The following ZBTB17 variants were observed in gnomAD, a reference collection of about 807,000 sequenced individuals.
The protein encoded by ZBTB17 is zinc finger and BTB domain-containing protein 17.
In ZBTB17, 24 loss-of-function variants were observed where a neutral mutation model predicts 85.1. The ratio of observed to expected loss-of-function variants is 0.28; its 90% CI spans 0.20 to 0.40. ZBTB17 has a LOEUF of 0.40. Among genes scored for constraint, ZBTB17 ranks in the 10% least tolerant of loss-of-function variants. The probability of loss-of-function intolerance (pLI) is 1.00; values close to 1 mark genes in which losing one functional copy is unlikely to be tolerated. For missense variants in ZBTB17, 743 were observed against 1,105.1 expected (o/e 0.67, Z 4.65); for synonymous variants, 464 against 460.2 (o/e 1.01, Z -0.11).
At chr1:15,957,386 TG>T (rs2072087122) in intron 2 of ZBTB17, among the ~76,000 whole-genome samples, 5 of 126,574 alleles carry the variant, frequency 4.0e-5, no homozygotes, top group Non-Finnish European at 6.7e-5. Context: ...GGAGGAGGTG[TG>T]TGGCACAGGG....
At position 15,946,234 on chromosome 1, in the gene ZBTB17, T is replaced by C; in HGVS notation, c.455A>G (p.Gln152Arg). Residue 152 changes from glutamine to arginine, a missense_variant, in exon 5 of 16, where the codon CAG becomes CGG. Physicochemically the swap from Gln to Arg is conservative, Grantham distance 43 (BLOSUM62 1). This residue lies in a region of ZBTB17 where 279 missense variants were observed against 269.9 expected (regional missense o/e 1.03). Coordinates refer to ENST00000375743, the MANE Select transcript of ZBTB17 (RefSeq NM_003443.3). ...VATSTLSRLE[Q>R]AGRSTPIGPS... Reference sequence around the variant, plus strand: ...GCCTATGGGTGTGCTGCGTCCTGCCTGCTCCAGCCTGCTCAGCGTGCTGGT... The same window carrying C: ...GCCTATGGGTGTGCTGCGTCCTGCCCGCTCCAGCCTGCTCAGCGTGCTGGT... 1 of 1,613,772 alleles carries C rather than the reference T, an allele frequency of 6.2e-7. No homozygotes were observed. The highest frequency in any genetic ancestry group is 8.5e-7 in the Non-Finnish European group (1 of 1,180,004).
At chr1:15,975,270 A>AT (rs1449514325) in intron 1 of ZBTB17, among the ~76,000 whole-genome samples, 1 of 152,190 alleles carries the variant, frequency 6.6e-6, no homozygotes, top group African/African-American at 2.4e-5. Flanking sequence ...TAGGAGGCTG[A>AT]TTTTATTATC....
At chr1:15,945,604 C>T (rs1437380426) in intron 6 of ZBTB17, 111 bp downstream of exon 6, 1 of 1,480,412 alleles carries the variant, frequency 6.8e-7, no homozygotes, top group Non-Finnish European at 9.1e-7. Flanking sequence ...CATGGTGACT[C>T]CAGGTGGGAC....
intron 2 of ZBTB17, among the ~76,000 whole-genome samples, chr1:15,954,780 G>A (rs939095206): frequency 1.3e-5 from 2 of 152,180 alleles, no homozygotes; most frequent in African/African-American, 4.8e-5. Context: ...AAGCCAGGAG[G>A]TCGAGGCTGC....
At chr1:15,946,420 TG>T in intron 4 of ZBTB17, 126 bp from the exon 5 acceptor site, 1 of 1,428,886 alleles carries the variant, frequency 7.0e-7, no homozygotes, top group Non-Finnish European at 9.4e-7. Context: ...AGTGGTTTGC[TG>T]ATTTGTTCAT....
intron 2 of ZBTB17, among the ~76,000 whole-genome samples, chr1:15,961,227 T>C (rs542485325): frequency 1.3e-5 from 2 of 152,366 alleles, no homozygotes; most frequent in East Asian, 3.9e-4. Context: ...AAATGAGGCA[T>C]TTACCTAGCA....
intron 2 of ZBTB17, among the ~76,000 whole-genome samples, chr1:15,972,767 C>G (rs1295314430): frequency 6.6e-6 from 1 of 152,152 alleles, no homozygotes; most frequent in African/African-American, 2.4e-5. Flanking sequence ...TGTTAAGGAG[C>G]AAGGAATAAA....
At chr1:15,948,024 A>C (rs1392729094) in intron 3 of ZBTB17, 2 of 532,046 alleles carry the variant, frequency 3.8e-6, no homozygotes, top group Non-Finnish European at 6.8e-6. Flanking sequence ...GCCCCTCCCA[A>C]TGAGGCCTTT....
intron 13 of ZBTB17, 126 bp from the exon 14 acceptor site, chr1:15,942,864 C>A: frequency 7.4e-7 from 1 of 1,355,980 alleles, no homozygotes; most frequent in Non-Finnish European, 1.0e-6. Flanking sequence ...GGGGTGGCTG[C>A]ACGGGTGCCT....
rs1254197679 is a variant in ZBTB17, at chr1:15,944,163, G to C, written c.1371+137C>G. The C allele has an allele frequency of 2.3e-6, 3 of 1,312,056 alleles. No individual in the cohort carries two copies. The Admixed American group carries it at 5.9e-5, about 26-fold the overall frequency. The allele number at this position is 1,312,056 out of a possible 1,614,324, so 81.3% of individuals were successfully genotyped here. On this transcript the variant is annotated intron_variant, in intron 9 of 15. Coordinates refer to ENST00000375743, the MANE Select transcript of ZBTB17 (RefSeq NM_003443.3). ...CCCCCGCGGAAGTGGCTCTCGCTGC[G>C]CCTGTTTCCTGGGTGAACAAGCTGA...
intron 2 of ZBTB17, among the ~76,000 whole-genome samples, chr1:15,950,142 C>T (rs993372127): frequency 2.0e-5 from 3 of 152,202 alleles, no homozygotes; most frequent in South Asian, 2.1e-4. Context: ...CAGCTGGCCC[C>T]GCACCAAGTG....
At position 15,942,020 on chromosome 1, in the gene ZBTB17, T is replaced by C. The variant is rs956721905; in HGVS notation, c.2361A>G (p.Ala787=). ...RPRDGAEGQP[A]LAETSPTAPE... ...GAGCTGTAGGGGAGGTCTCTGCCAG[T>C]GCGGGCTGGCCCTCAGCCCCGTCGC... The change falls in exon 16 of 16, where the codon GCA becomes GCG. Residue 787 remains alanine, a synonymous_variant. Coordinates refer to ENST00000375743, the MANE Select transcript of ZBTB17 (RefSeq NM_003443.3). 23 of 1,607,954 alleles carry C rather than the reference T, an allele frequency of 1.4e-5. No homozygotes were observed. Among genetic ancestry groups the C allele is most frequent in the African/African-American group, 2.7e-5 (2 of 74,928 alleles).
chr1:15,943,488 A>G lies in ZBTB17; in HGVS notation c.1608T>C (p.Gly536=). ...GGGAGCTGGCCTGGGTGAAGGCCTT[A>G]CCGCACATCACACACTGGCATGGCT... ...GEKPCQCVMC[G]KAFTQASSLI... is the part of the protein sequence containing the mutation. The change falls in exon 12 of 16, where the codon GGT becomes GGC. Residue 536 remains glycine, a synonymous_variant. Coordinates refer to ENST00000375743, the MANE Select transcript of ZBTB17 (RefSeq NM_003443.3). 6.2e-7 allele frequency: 1 copy of G among 1,610,478 alleles called. No homozygotes were observed. The highest frequency in any genetic ancestry group is 8.5e-7 in the Non-Finnish European group (1 of 1,177,754).
Position 15,951,238 on chromosome 1 carries a change from G to C in ZBTB17, c.-2-2741C>G, listed in dbSNP as rs2071824119. ...CGCACCAAAAGGGAAGAAAACAGGAGAAATGATAAGAAGGGGGGAGGAAGA... is the reference window on the plus strand; with the variant it reads ...CGCACCAAAAGGGAAGAAAACAGGACAAATGATAAGAAGGGGGGAGGAAGA... On this transcript the variant is annotated intron_variant, in intron 2 of 15. Transcript: ENST00000375743. This position sits in a 1 kb window ranked among gnomAD's most constrained non-coding sequence, Gnocchi z 4.1. Among the ~76,000 whole-genome samples the C allele has an allele frequency of 6.7e-6, 1 of 150,076 alleles. No homozygotes were observed.
intron 2 of ZBTB17, among the ~76,000 whole-genome samples, chr1:15,965,290 T>C (rs937450698): frequency 1.3e-5 from 2 of 151,460 alleles, no homozygotes; most frequent in African/African-American, 2.4e-5. Context: ...AACCACCCAA[T>C]AGAAAAATGA....
rs746081749 is a variant in ZBTB17 at position 15,942,525 on chromosome 1, G to C, written c.2038+4C>G. On this transcript the variant is annotated splice_donor_region_variant and intron_variant, in intron 14 of 15. Transcript: ENST00000375743. ...GACTTCCCTCTGCTGCCCACAGCCC[G>C]CACCTGTGAGCTGAGTGACGGCTGT... The C allele has an allele frequency of 2.5e-6, 4 of 1,610,296 alleles. No homozygotes were observed. In the South Asian group the frequency reaches 4.4e-5, roughly 18 times the overall value.
chr1:15,948,173 C>T lies in ZBTB17; in HGVS notation c.205+118G>A, dbSNP rs577301564. On this transcript the variant is annotated intron_variant, in intron 3 of 15. Coordinates refer to ENST00000375743, the MANE Select transcript of ZBTB17 (RefSeq NM_003443.3). The stretch of plus-strand genomic sequence containing the variant: ...AATTGCTCATGGCCTGAAGCCTGTG[C>T]GGGAGGCCTGTTGCATCCCACAGCC... 52 of 1,193,720 alleles carry T rather than the reference C, an allele frequency of 4.4e-5. No individual in the cohort carries two copies. The East Asian group carries it at 8.7e-4, about 20-fold the overall frequency. The allele number at this position is 1,193,720 out of a possible 1,614,324, so 73.9% of individuals were successfully genotyped here. A position where few individuals can be genotyped will look rare whatever the true frequency, so the allele number is the denominator to read the frequency against.
At chr1:15,971,590 C>A (rs1294083142) in intron 2 of ZBTB17, among the ~76,000 whole-genome samples, 1 of 142,786 alleles carries the variant, frequency 7.0e-6, no homozygotes. Context: ...TACACACACA[C>A]TATATATATA....
At position 15,944,984 on chromosome 1, in the gene ZBTB17, C is replaced by T; in HGVS notation, c.880G>A (p.Asp294Asn). ...CCGTAGGCCTTGGACTCCGTGCGGT[C>T]GCCGTAGGTGCCTGAGCGCAGGCCC... ...ARGLRSGTYGDRTESKAYGSV... is the reference protein window; with the variant it reads ...ARGLRSGTYGNRTESKAYGSV... The change falls in exon 7 of 16, where the codon GAC becomes AAC. Residue 294 changes from aspartate (D) to asparagine (N), a missense_variant. By Grantham distance (23) the Asp-to-Asn change is conservative. Transcript: ENST00000375743. 6.3e-7 allele frequency: 1 copy of T among 1,585,484 alleles called. No individual in the cohort carries two copies. Among genetic ancestry groups the T allele is most frequent in the Non-Finnish European group, 8.6e-7 (1 of 1,168,884 alleles).
Sources: gnomAD v4.1 joint callset for allele counts (sites outside exome capture counted in the v4.1 genomes callset) on GRCh38, gnomAD v4.1.1 for gene constraint, gnomAD v4.1.1 regional missense constraint, Gnocchi (gnomAD v3.1) non-coding constraint, MANE v1.5 for transcripts, NCBI Gene and HGNC (gene_info 2026-07-23, HGNC 2026-07-21) for gene names.